Variants in TRPM3 observed in about 807,000 individuals in gnomAD.
TRPM3 encodes transient receptor potential cation channel subfamily M member 3, also known as long transient receptor potential channel 3.
A neutral mutation model predicts 181.2 loss-of-function variants in TRPM3; 77 were observed. That is an observed-to-expected ratio of 0.42 (90% CI 0.35 to 0.51). TRPM3 has a LOEUF of 0.51. TRPM3 is among the 20% of genes least tolerant of loss of function. The pLI, the probability that TRPM3 is intolerant of heterozygous loss-of-function variation, is 0.01. For synonymous variants in TRPM3, 745 were observed against 796.4 expected, an observed-to-expected ratio of 0.94 and a Z score of 1.09; for missense variants, 1,759 against 2,196.7, an observed-to-expected ratio of 0.80 and a Z score of 3.98.
At chr9:71,249,580 A>G (rs1264822836) in intron 1 of TRPM3, among the ~76,000 whole-genome samples, 2 of 152,220 alleles carry the variant, frequency 1.3e-5, no homozygotes, top group Admixed American at 6.5e-5. Context: ...TGAGATATAT[A>G]TATTTTCTCA....
At position 71,134,012 on chromosome 9, in the gene TRPM3, T is replaced by TGCGCGC. The variant is rs1412288417; in HGVS notation, c.184-269502_184-269501insGCGCGC. Among the ~76,000 whole-genome samples the TGCGCGC allele has an allele frequency of 3.0e-5, 4 of 131,528 alleles. No individual in the cohort carries two copies. The Admixed American group carries it at 3.1e-4, about 10-fold the overall frequency. 86.3% of individuals were successfully genotyped at this position (131,528 alleles called of 152,430 possible). On this transcript the variant is annotated intron_variant, in intron 1 of 24. Coordinates refer to the TRPM3 transcript ENST00000357533. ...GTGTGTGTGTGTGTGTGTGTGTGTG[T>TGCGCGC]GTGCGCGTGCGCGCGCGCGCGTGTC...
At chr9:71,125,497 T>C (rs1284487954), upstream of TRPM3, among the ~76,000 whole-genome samples, 1 of 152,196 alleles carries the variant, frequency 6.6e-6, no homozygotes, top group African/African-American at 2.4e-5. Flanking sequence ...GGTTTCCAGC[T>C]CCATCCATGT....
In TRPM3 at chr9:70,620,115, A is replaced by T; in HGVS notation, c.2090T>A (p.Met697Lys). ...CAGCTCCTGGGAAATGTCGTCAACC[A>T]TGTCGTTCTCAGAGGCCTCATGAGC... ...AMAHEASEND[M>K]VDDISQELNH... Residue 697 changes from methionine (M) to lysine (K), a missense_variant, in exon 16 of 26, where the codon ATG becomes AAG. Coordinates refer to ENST00000677713, the MANE Select transcript of TRPM3 (RefSeq NM_001366145.2). 1 of 1,612,460 alleles carries T rather than the reference A, an allele frequency of 6.2e-7. No homozygotes were observed. The highest frequency in any genetic ancestry group is 2.2e-5 in the East Asian group (1 of 44,818).
At chr9:70,627,479 G>C (rs1589495752) in intron 12 of TRPM3, among the ~76,000 whole-genome samples, 1 of 151,790 alleles carries the variant, frequency 6.6e-6, no homozygotes. Flanking sequence ...TGCCATGTTG[G>C]CCAGGCTAGT....
At chr9:71,006,431 A>G (rs1403786461) in intron 1 of TRPM3, among the ~76,000 whole-genome samples, 1 of 152,154 alleles carries the variant, frequency 6.6e-6, no homozygotes, top group Non-Finnish European at 1.5e-5. Flanking sequence ...AGACCCAACT[A>G]TATGTTATCT....
At chr9:70,818,701 A>T (rs1351999789) in intron 6 of TRPM3, among the ~76,000 whole-genome samples, 1 of 152,202 alleles carries the variant, frequency 6.6e-6, no homozygotes, top group African/African-American at 2.4e-5. Context: ...CCCATGAAAA[A>T]CAGCCTCCTA....
rs1181271944 is a variant in TRPM3, at chr9:70,532,983, T to C, written c.*2970A>G. 6.6e-6 allele frequency: 1 copy of C among 152,140 alleles called. No homozygotes were observed. Among genetic ancestry groups the C allele is most frequent in the Admixed American group, 6.5e-5 (1 of 15,280 alleles). 9.4% of individuals were successfully genotyped at this position (152,140 alleles called of 1,614,324 possible). On this transcript the variant is annotated 3_prime_UTR_variant, in exon 26 of 26. Transcript: ENST00000677713. Reference sequence around the variant, plus strand: ...CACATACATGTGCACAGGAAGGAAATGGCTCATGGAAGTTACACAGTTTGT... The same window carrying C: ...CACATACATGTGCACAGGAAGGAAACGGCTCATGGAAGTTACACAGTTTGT...
At chr9:71,047,977 T>C (rs2059649909) in intron 1 of TRPM3, among the ~76,000 whole-genome samples, 2 of 152,208 alleles carry the variant, frequency 1.3e-5, no homozygotes, top group Admixed American at 1.3e-4. Flanking sequence ...TTCATAATTA[T>C]TTGTTCAATA....
chr9:70,923,707 C>T lies in TRPM3; in HGVS notation c.178-59196G>A, dbSNP rs546685250. 4.1e-4 allele frequency among the ~76,000 whole-genome samples: 62 copies of T among 151,760 alleles called. 2 individuals carry two copies. In the Middle Eastern group the frequency reaches 0.024, roughly 58 times the overall value. ...AAGACCCTGGAGAGCCAGTGAGTTA[C>T]TCTGAAAGCTGTCCATTTGATTCCT... On this transcript the variant is annotated intron_variant, in intron 1 of 25. Transcript: ENST00000677713.
chr9:70,877,804 A>AACACACACACACAC (rs5898169), intron 1 of TRPM3, among the ~76,000 whole-genome samples: 27,710 of 146,024 alleles, frequency 0.19, 2,865 homozygotes, highest in East Asian at 0.32. Context: ...AAAATCATAA[A>AACACACACACACAC]ACACACACAC....
chr9:70,574,932 TTTC>T (rs1199482750), intron 22 of TRPM3, among the ~76,000 whole-genome samples: 1 of 151,772 alleles, frequency 6.6e-6, no homozygotes, highest in Non-Finnish European at 1.5e-5. Context: ...TTTTCTTTTC[TTTC>T]TTTTTTTTTT....
At chr9:70,762,796 CAG>C (rs2078382854) in intron 7 of TRPM3, among the ~76,000 whole-genome samples, 1 of 152,156 alleles carries the variant, frequency 6.6e-6, no homozygotes, top group South Asian at 2.1e-4. Context: ...AAATAAGTGA[CAG>C]AGTTATCAGA....
Position 70,625,661 on chromosome 9 carries a change from G to A in TRPM3, c.1633-144C>T, listed in dbSNP as rs932957174. 2 of 787,460 alleles carry A rather than the reference G, an allele frequency of 2.5e-6. No individual in the cohort carries two copies. Among genetic ancestry groups the A allele is most frequent in the Non-Finnish European group, 4.1e-6 (2 of 491,432 alleles). The allele number at this position is 787,460 out of a possible 1,614,324, so 48.8% of individuals were successfully genotyped here. A position where few individuals can be genotyped will look rare whatever the true frequency, so the allele number is the denominator to read the frequency against. ...AAACACAAGGCTAGACAGGGCAAAT[G>A]CTATCACTCCCAGGCACTAGGAACT... On this transcript the variant is annotated intron_variant, in intron 12 of 25. Coordinates refer to ENST00000677713, the MANE Select transcript of TRPM3 (RefSeq NM_001366145.2). This position sits in a 1 kb window ranked among gnomAD's most constrained non-coding sequence, Gnocchi z 4.8.
intron 1 of TRPM3, among the ~76,000 whole-genome samples, chr9:71,097,964 C>T (rs2067614751): frequency 6.6e-6 from 1 of 151,938 alleles, no homozygotes; most frequent in Non-Finnish European, 1.5e-5. Context: ...AAGAAGGTTC[C>T]TAAAACCATC....
intron 1 of TRPM3, among the ~76,000 whole-genome samples, chr9:71,298,526 T>G (rs2086492501): frequency 6.6e-6 from 1 of 152,122 alleles, no homozygotes; most frequent in African/African-American, 2.4e-5. Flanking sequence ...ATACATTTGT[T>G]CAGCAGCAGT....
intron 1 of TRPM3, among the ~76,000 whole-genome samples, chr9:71,278,615 G>C (rs2084410921): frequency 1.3e-5 from 2 of 152,148 alleles, no homozygotes; most frequent in African/African-American, 4.8e-5. Flanking sequence ...AAACTCTCTA[G>C]ATATGACATC....
rs1043691011 is a variant in TRPM3, at chr9:71,418,847, G to A, written c.183+27806C>T. ...TATATATCCTTTGAGATACTATATA[G>A]TATCCTTTGTATATATATGTATATA... On this transcript the variant is annotated intron_variant, in intron 1 of 24. Coordinates refer to the TRPM3 transcript ENST00000357533. Among the ~76,000 whole-genome samples, 51 of 136,766 alleles carry A rather than the reference G, an allele frequency of 3.7e-4. No individual in the cohort carries two copies. In the Middle Eastern group the frequency reaches 0.012, roughly 33 times the overall value. 89.7% of individuals were successfully genotyped at this position (136,766 alleles called of 152,430 possible).
chr9:70,887,714 G>T (rs574942551), intron 1 of TRPM3, among the ~76,000 whole-genome samples: 6 of 152,106 alleles, frequency 3.9e-5, no homozygotes, highest in South Asian at 4.2e-4. Context: ...GTATCTTGTG[G>T]GTTTCAACAT....
intron 8 of TRPM3, among the ~76,000 whole-genome samples, chr9:70,744,304 G>A (rs528093011): frequency 1.4e-3 from 211 of 149,922 alleles, no homozygotes; most frequent in African/African-American, 4.8e-3. Context: ...CCTCAGCCTG[G>A]GTGACAAGAG....
Sources: gnomAD v4.1 joint callset for allele counts (sites outside exome capture counted in the v4.1 genomes callset) on GRCh38, gnomAD v4.1.1 for gene constraint, Gnocchi (gnomAD v3.1) non-coding constraint, MANE v1.5 for transcripts, NCBI Gene and HGNC (gene_info 2026-07-23, HGNC 2026-07-21) for gene names.